Variants in ADRA1D observed in about 807,000 individuals in gnomAD.
ADRA1D encodes alpha-1D adrenergic receptor.
ADRA1D carries 22 observed loss-of-function variants against 18.6 expected under a neutral mutation model. The ratio of observed to expected loss-of-function variants is 1.19; its 90% confidence interval spans 0.85 to 1.69. ADRA1D has a LOEUF of 1.69. Among genes scored for constraint, ADRA1D ranks in the 40% most tolerant of loss-of-function variants. The pLI, the probability that ADRA1D is intolerant of heterozygous loss-of-function variation, is 0.00. For missense variants in ADRA1D, 840 were observed against 840.7 expected (o/e 1.00, Z 0.01); for synonymous variants, 376 against 388.2 (o/e 0.97, Z 0.37).
chr20:4,231,038 T>TTTTCTTTCTTTCTTTC lies in ADRA1D; in HGVS notation c.1112-8924_1112-8909dup, dbSNP rs3030143. Reference sequence around the variant, plus strand: ...TTCTTTTCTCTTTCTCTTTCTTTCTTTTTCTTTCTTTCTTTCTTTCTTTCT... The same window carrying TTTTCTTTCTTTCTTTC: ...TTCTTTTCTCTTTCTCTTTCTTTCTTTTTCTTTCTTTCTTTCTTTCTTTCTTTCTTTCTTTCTTTCT... On this transcript the variant is annotated intron_variant, in intron 1 of 1. Coordinates refer to ENST00000379453, the MANE Select transcript of ADRA1D (RefSeq NM_000678.4). Among the ~76,000 whole-genome samples the TTTTCTTTCTTTCTTTC allele has an allele frequency of 8.9e-4, 97 of 108,596 alleles. 1 individual carries two copies. The highest frequency in any genetic ancestry group is 2.3e-3 in the East Asian group (6 of 2,594). 71.2% of individuals were successfully genotyped at this position (108,596 alleles called of 152,430 possible).
At chr20:4,226,371 A>G (rs1037457548) in intron 1 of ADRA1D, among the ~76,000 whole-genome samples, 4 of 152,238 alleles carry the variant, frequency 2.6e-5, no homozygotes, top group African/African-American at 7.2e-5. Context: ...TAGAAATACA[A>G]GTTTTTAATT....
At chr20:4,226,839 G>T (rs924925132) in intron 1 of ADRA1D, among the ~76,000 whole-genome samples, 1 of 152,210 alleles carries the variant, frequency 6.6e-6, no homozygotes, top group Admixed American at 6.5e-5. Flanking sequence ...TCCAGATTCC[G>T]CAGGCAGCGG....
intron 1 of ADRA1D, among the ~76,000 whole-genome samples, chr20:4,233,658 T>G (rs1315917199): frequency 1.3e-5 from 2 of 152,170 alleles, no homozygotes; most frequent in African/African-American, 4.8e-5. Context: ...GTGCTTTTCG[T>G]GGTCCCCAAA....
chr20:4,226,534 A>G (rs1980804065), intron 1 of ADRA1D, among the ~76,000 whole-genome samples: 1 of 152,228 alleles, frequency 6.6e-6, no homozygotes, highest in Non-Finnish European at 1.5e-5. Context: ...TTCTCACACC[A>G]GTAGAGTGAG....
intron 1 of ADRA1D, among the ~76,000 whole-genome samples, chr20:4,247,206 G>A (rs1323114074): frequency 6.6e-6 from 1 of 152,142 alleles, no homozygotes; most frequent in Non-Finnish European, 1.5e-5. Context: ...AAGAAATAAC[G>A]ATTAACAATA....
chr20:4,244,351 G>T (rs1188806221), intron 1 of ADRA1D, among the ~76,000 whole-genome samples: 1 of 152,160 alleles, frequency 6.6e-6, no homozygotes, highest in Non-Finnish European at 1.5e-5. Flanking sequence ...GAGGAGGCAG[G>T]TGCCACCTCA....
chr20:4,220,827 A>C lies in ADRA1D; in HGVS notation c.*696T>G, dbSNP rs1375865456. 1 of 152,676 alleles carries C rather than the reference A, an allele frequency of 6.5e-6. No individual in the cohort carries two copies. The highest frequency in any genetic ancestry group is 1.5e-5 in the Non-Finnish European group (1 of 68,060). 9.5% of individuals were successfully genotyped at this position (152,676 alleles called of 1,614,324 possible). A position where few individuals can be genotyped will look rare whatever the true frequency, so the allele number is the denominator to read the frequency against. ...TCTCCAATTGGTGGCTTGGAATCCC[A>C]GCAAGAAGTGATGGGCACAGGCACG... On this transcript the variant is annotated 3_prime_UTR_variant, in exon 2 of 2. Coordinates refer to ENST00000379453, the MANE Select transcript of ADRA1D (RefSeq NM_000678.4).
Position 4,222,190 on chromosome 20 carries a change from C to G in ADRA1D, c.1112-60G>C. 2 of 1,574,728 alleles carry G rather than the reference C, an allele frequency of 1.3e-6. No homozygotes were observed. The highest frequency in any genetic ancestry group is 2.3e-5 in the South Asian group (2 of 87,456). Reference sequence around the variant, plus strand: ...TTGGGGAGGGGGAGGCCAGGCGGCTCTGGGCGCAAAGGGGAGACCCTTCAG... The same window carrying G: ...TTGGGGAGGGGGAGGCCAGGCGGCTGTGGGCGCAAAGGGGAGACCCTTCAG... On this transcript the variant is annotated intron_variant, in intron 1 of 1. Transcript: ENST00000379453. This position sits in a 1 kb window ranked among gnomAD's most constrained non-coding sequence, Gnocchi z 4.3.
At chr20:4,234,055 C>T (rs1981033292) in intron 1 of ADRA1D, among the ~76,000 whole-genome samples, 1 of 152,208 alleles carries the variant, frequency 6.6e-6, no homozygotes, top group African/African-American at 2.4e-5. Flanking sequence ...TGAGGCCTCT[C>T]CTGTGTCAGC....
At chr20:4,232,029 C>T (rs1980981702) in intron 1 of ADRA1D, among the ~76,000 whole-genome samples, 1 of 152,232 alleles carries the variant, frequency 6.6e-6, no homozygotes, top group African/African-American at 2.4e-5. Context: ...TCTCCTGCCT[C>T]AGCCTCCCAA....
In ADRA1D at chr20:4,249,121, G is replaced by C. The variant is rs1290138124; in HGVS notation, c.-164C>G. ...ACGCGGAGCGCGGCTGTCCGAGAGC[G>C]GAGCTGCCTGGCCCGGGCGGCGGCC... On this transcript the variant is annotated 5_prime_UTR_variant, in exon 1 of 2. Coordinates refer to ENST00000379453, the MANE Select transcript of ADRA1D (RefSeq NM_000678.4). 4.3e-5 allele frequency: 21 copies of C among 493,200 alleles called. No individual in the cohort carries two copies. In the Admixed American group the frequency reaches 1.2e-3, roughly 28 times the overall value. The allele number at this position is 493,200 out of a possible 1,614,324, so 30.6% of individuals were successfully genotyped here.
At chr20:4,238,075 C>G (rs550597342) in intron 1 of ADRA1D, among the ~76,000 whole-genome samples, 38 of 140,220 alleles carry the variant, frequency 2.7e-4, no homozygotes, top group African/African-American at 8.5e-4. Context: ...TGGTGAAACC[C>G]CCCCCGTCTC....
At chr20:4,232,452 C>A (rs1303420632) in intron 1 of ADRA1D, among the ~76,000 whole-genome samples, 1 of 152,180 alleles carries the variant, frequency 6.6e-6, no homozygotes, top group Non-Finnish European at 1.5e-5. Flanking sequence ...GCCTGTATGT[C>A]CTCAAGGGCG....
chr20:4,233,422 C>T lies in ADRA1D; in HGVS notation c.1112-11292G>A, dbSNP rs73587555. Among the ~76,000 whole-genome samples the T allele has an allele frequency of 9.5e-3, 1,450 of 152,206 alleles. 20 individuals are homozygous for T. The highest frequency in any genetic ancestry group is 0.033 in the African/African-American group (1,363 of 41,546). Reference sequence around the variant, plus strand: ...GCTGCAATGAGCTATGATTGCATCACTGCACTCTAGTCTGGGCAACAGAGG... The same window carrying T: ...GCTGCAATGAGCTATGATTGCATCATTGCACTCTAGTCTGGGCAACAGAGG... On this transcript the variant is annotated intron_variant, in intron 1 of 1. Coordinates refer to ENST00000379453, the MANE Select transcript of ADRA1D (RefSeq NM_000678.4).
intron 1 of ADRA1D, among the ~76,000 whole-genome samples, chr20:4,226,810 A>G (rs545249238): frequency 6.4e-4 from 97 of 152,300 alleles, no homozygotes; most frequent in African/African-American, 2.1e-3. Context: ...TGGAAATACA[A>G]ACAATCTGTG....
At position 4,248,663 on chromosome 20, in the gene ADRA1D, C is replaced by T; in HGVS notation, c.295G>A (p.Val99Met). ...GLVVSAQGVG[V>M]GVFLAAFILM... ...ATGAAGGCTGCCAGGAAGACGCCCA[C>T]GCCCACGCCCTGCGCGCTCACCACC... is the stretch of plus-strand genomic sequence containing the variant. Residue 99 changes from valine to methionine, a missense_variant, in exon 1 of 2, where the codon GTG (valine) becomes ATG (methionine). Physicochemically the swap from Val to Met is conservative, Grantham distance 21 (BLOSUM62 1). Coordinates refer to ENST00000379453, the MANE Select transcript of ADRA1D (RefSeq NM_000678.4). The T allele has an allele frequency of 1.5e-5, 24 of 1,605,750 alleles. No homozygotes were observed. The highest frequency in any genetic ancestry group is 1.9e-5 in the Non-Finnish European group (22 of 1,176,858).
intron 1 of ADRA1D, among the ~76,000 whole-genome samples, chr20:4,246,386 C>T (rs897390943): frequency 3.9e-5 from 6 of 152,190 alleles, no homozygotes; most frequent in African/African-American, 1.2e-4. Context: ...GAAGAGGGAA[C>T]ATTTAAGCCA....
intron 1 of ADRA1D, among the ~76,000 whole-genome samples, chr20:4,234,784 C>T (rs1055504596): frequency 6.6e-6 from 1 of 152,192 alleles, no homozygotes; most frequent in African/African-American, 2.4e-5. Flanking sequence ...CCTGAAGACC[C>T]TGTGAGGGAG....
At position 4,227,763 on chromosome 20, in the gene ADRA1D, CTTTCT is replaced by C. The variant is rs1428300349; in HGVS notation, c.1112-5638_1112-5634del. The stretch of plus-strand genomic sequence containing the variant: ...CCTTCCTTCCTTCTTCTCTCTCTCT[CTTTCT>C]TCTCTTTCTTTCTTTTTTTTTGACA... On this transcript the variant is annotated intron_variant, in intron 1 of 1. Transcript: ENST00000379453. Among the ~76,000 whole-genome samples the C allele has an allele frequency of 1.8e-3, 244 of 134,892 alleles. 5 individuals are homozygous for C. The highest frequency in any genetic ancestry group is 6.7e-3 in the African/African-American group (234 of 35,080). The allele number at this position is 134,892 out of a possible 152,430, so 88.5% of individuals were successfully genotyped here.
Sources: allele counts gnomAD v4.1 joint callset (sites outside exome capture counted in the v4.1 genomes callset), GRCh38; gene constraint gnomAD v4.1.1; non-coding constraint Gnocchi (gnomAD v3.1); transcripts MANE v1.5; gene names NCBI Gene and HGNC (gene_info 2026-07-23, HGNC 2026-07-21).